Variants in BNC2 observed in about 807,000 individuals in gnomAD.
BNC2 encodes the protein basonuclin zinc finger protein 2, also known as zinc finger protein basonuclin-2.
BNC2 carries 20 observed loss-of-function variants against 76.3 expected under a neutral mutation model. That is an observed-to-expected ratio of 0.26 (90% CI 0.18 to 0.38). The LOEUF is 0.38. Among genes scored for constraint, BNC2 ranks in the 10% least tolerant of loss-of-function variants. The pLI, the probability that BNC2 is intolerant of heterozygous loss-of-function variation, is 1.00. For missense variants in BNC2, 1,382 were observed against 1,399.8 expected (o/e 0.99, Z 0.20); for synonymous variants, 582 against 514.8 (o/e 1.13, Z -1.77).
intron 3 of BNC2, among the ~76,000 whole-genome samples, chr9:16,606,247 ATTTTTTAAAGGATTAGCT>A (rs1176383506): frequency 1.3e-5 from 2 of 152,150 alleles, no homozygotes; most frequent in Non-Finnish European, 2.9e-5. Context: ...TAGAAAAAAT[ATTTTTTAAAGGATTAGCT>A]TTAAAAGTTA....
intron 1 of BNC2, among the ~76,000 whole-genome samples, chr9:16,869,148 G>C (rs1257513721): frequency 1.3e-5 from 2 of 151,994 alleles, no homozygotes; most frequent in African/African-American, 2.4e-5. Context: ...GCTCTAAACA[G>C]ATATATTTAA....
intron 3 of BNC2, among the ~76,000 whole-genome samples, chr9:16,678,357 C>CTA (rs1822721289): frequency 7.2e-6 from 1 of 137,994 alleles, no homozygotes; most frequent in Non-Finnish European, 1.5e-5. Flanking sequence ...CGGCTCACTG[C>CTA]AGCCTCTGCC....
At chr9:16,678,939 G>T (rs1341352205) in intron 3 of BNC2, among the ~76,000 whole-genome samples, 2 of 152,116 alleles carry the variant, frequency 1.3e-5, no homozygotes, top group East Asian at 3.9e-4. Context: ...CTTGCTTGAG[G>T]AGTAACCTTC....
chr9:16,660,627 AG>A (rs1055452600), intron 3 of BNC2, among the ~76,000 whole-genome samples: 1 of 152,142 alleles, frequency 6.6e-6, no homozygotes, highest in African/African-American at 2.4e-5. Context: ...AAGGACAAAA[AG>A]GGGGAAAAAC....
chr9:16,436,454 C>T lies in BNC2; in HGVS notation c.1740G>A (p.Gly580=), dbSNP rs1821017799. The change falls in exon 6 of 7, where the codon GGG becomes GGA. Residue 580 remains glycine (G), a synonymous_variant. Coordinates refer to ENST00000380672, the MANE Select transcript of BNC2 (RefSeq NM_017637.6). ...PPFYRSLLTP[G]EMVSPPTSLP... ...GGGAGGTTGGAGGACTCACCATTTCCCCTGGAGTGAGTAAACTTCTATAAA... is the reference window on the plus strand; with the variant it reads ...GGGAGGTTGGAGGACTCACCATTTCTCCTGGAGTGAGTAAACTTCTATAAA... 1.2e-6 allele frequency: 2 copies of T among 1,614,016 alleles called. No individual in the cohort carries two copies. The highest frequency in any genetic ancestry group is 1.3e-5 in the African/African-American group (1 of 74,996).
At chr9:16,822,586 CT>C (rs1342385726) in intron 1 of BNC2, among the ~76,000 whole-genome samples, 1 of 152,140 alleles carries the variant, frequency 6.6e-6, no homozygotes, top group Non-Finnish European at 1.5e-5. Flanking sequence ...GGGAAACTGC[CT>C]GAAGCTTATT....
At chr9:16,557,415 C>T (rs900425062) in intron 4 of BNC2, among the ~76,000 whole-genome samples, 2 of 151,976 alleles carry the variant, frequency 1.3e-5, no homozygotes, top group Non-Finnish European at 2.9e-5. Flanking sequence ...AAGAGAATCA[C>T]CTGAACCCAG....
At chr9:16,815,647 T>C (rs533368563) in intron 1 of BNC2, among the ~76,000 whole-genome samples, 1 of 152,310 alleles carries the variant, frequency 6.6e-6, no homozygotes, top group South Asian at 2.1e-4. Flanking sequence ...TTAACCATAA[T>C]AGGGAAGAGG....
chr9:16,810,209 C>T (rs994841587), intron 1 of BNC2, among the ~76,000 whole-genome samples: 1 of 152,154 alleles, frequency 6.6e-6, no homozygotes, highest in Non-Finnish European at 1.5e-5. Flanking sequence ...TCTACTAGGG[C>T]CCACTGTTAT....
At chr9:16,734,004 G>A (rs1824588907) in intron 2 of BNC2, among the ~76,000 whole-genome samples, 1 of 152,138 alleles carries the variant, frequency 6.6e-6, no homozygotes, top group Admixed American at 6.5e-5. Flanking sequence ...CAACAGCCAA[G>A]TGTTCCACAG....
At chr9:16,801,304 T>C (rs1014892253) in intron 1 of BNC2, among the ~76,000 whole-genome samples, 2 of 152,152 alleles carry the variant, frequency 1.3e-5, no homozygotes, top group African/African-American at 4.8e-5. Flanking sequence ...TGGAGTACAG[T>C]GGCGTGATAT....
chr9:16,581,077 T>C (rs1023109620), intron 4 of BNC2, among the ~76,000 whole-genome samples: 18 of 152,208 alleles, frequency 1.2e-4, no homozygotes, highest in African/African-American at 3.4e-4. Flanking sequence ...AAAAAGGATA[T>C]TTGGGAACTG....
chr9:16,445,461 G>T (rs189452727), intron 5 of BNC2, among the ~76,000 whole-genome samples: 3 of 151,928 alleles, frequency 2.0e-5, no homozygotes, highest in Non-Finnish European at 4.4e-5. Flanking sequence ...TTCATATCAC[G>T]GTTGTATGTA....
At chr9:16,675,152 T>G (rs1465243427) in intron 3 of BNC2, among the ~76,000 whole-genome samples, 1 of 152,190 alleles carries the variant, frequency 6.6e-6, no homozygotes, top group African/African-American at 2.4e-5. Context: ...CCTCCTTGCA[T>G]TCTTCTTCAC....
rs577718879 is a variant in BNC2, at chr9:16,648,433, T to A, written c.331-65348A>T. ...GATTGAGAACACATCCAGGTTCTATTAGCCAAGTCAAGAGAGATGTGTGTA... is the reference window on the plus strand; with the variant it reads ...GATTGAGAACACATCCAGGTTCTATAAGCCAAGTCAAGAGAGATGTGTGTA... On this transcript the variant is annotated intron_variant, in intron 3 of 6. Transcript: ENST00000380672. Among the ~76,000 whole-genome samples, 6 of 152,326 alleles carry A rather than the reference T, an allele frequency of 3.9e-5. No homozygotes were observed. In the South Asian group the frequency reaches 1.2e-3, roughly 32 times the overall value.
intron 3 of BNC2, among the ~76,000 whole-genome samples, chr9:16,626,560 AG>A (rs1213408791): frequency 6.6e-6 from 1 of 152,088 alleles, no homozygotes; most frequent in Non-Finnish European, 1.5e-5. Context: ...ACAACAACAA[AG>A]ACAGAGACCT....
intron 1 of BNC2, among the ~76,000 whole-genome samples, chr9:16,860,155 C>T (rs1041938836): frequency 1.1e-4 from 16 of 151,730 alleles, no homozygotes; most frequent in African/African-American, 3.4e-4. Context: ...ATACATTTTA[C>T]GTTGTTTTCT....
intron 3 of BNC2, among the ~76,000 whole-genome samples, chr9:16,648,820 C>T (rs187101771): frequency 1.6e-3 from 240 of 152,268 alleles, no homozygotes; most frequent in African/African-American, 5.5e-3. Flanking sequence ...TCTCCATTTG[C>T]AATTCATTAG....
chr9:16,485,230 C>A (rs1361247117), intron 5 of BNC2, among the ~76,000 whole-genome samples: 1 of 152,104 alleles, frequency 6.6e-6, no homozygotes, highest in Non-Finnish European at 1.5e-5. Context: ...TTCCTCATAA[C>A]CATCTAATAC....
Sources: gnomAD v4.1 joint callset for allele counts (sites outside exome capture counted in the v4.1 genomes callset) on GRCh38, gnomAD v4.1.1 for gene constraint, MANE v1.5 for transcripts, NCBI Gene and HGNC (gene_info 2026-07-23, HGNC 2026-07-21) for gene names.